Variants in PTPRO observed in about 807,000 individuals in gnomAD.
The protein encoded by PTPRO is protein tyrosine phosphatase receptor type O, also known as receptor-type tyrosine-protein phosphatase O.
In PTPRO, 62 loss-of-function variants were observed where a neutral mutation model predicts 145.2. That is an observed-to-expected ratio of 0.43 (90% CI 0.35 to 0.53). PTPRO has a LOEUF of 0.53. PTPRO is among the 20% of genes least tolerant of loss of function. The pLI, the probability that PTPRO is intolerant of heterozygous loss-of-function variation, is 0.01. For synonymous variants in PTPRO, 565 were observed against 514.7 expected, an observed-to-expected ratio of 1.10 and a Z score of -1.32; for missense variants, 1,345 against 1,482.7, an observed-to-expected ratio of 0.91 and a Z score of 1.53.
At chr12:15,349,833 A>G (rs1246701343) in intron 1 of PTPRO, among the ~76,000 whole-genome samples, 5 of 152,214 alleles carry the variant, frequency 3.3e-5, no homozygotes, top group African/African-American at 9.6e-5. Context: ...CTTATTATTG[A>G]TTACACGTAG....
chr12:15,401,686 T>C (rs1939497916), intron 1 of PTPRO, among the ~76,000 whole-genome samples: 1 of 152,206 alleles, frequency 6.6e-6, no homozygotes, highest in South Asian at 2.1e-4. Flanking sequence ...AACTACACCA[T>C]ATTTCATAGG....
chr12:15,389,143 AC>A (rs1939116973), intron 1 of PTPRO, among the ~76,000 whole-genome samples: 1 of 145,734 alleles, frequency 6.9e-6, no homozygotes, highest in Admixed American at 6.8e-5. Context: ...TCACTCTGTC[AC>A]CCAGGCTGGA....
At chr12:15,349,013 T>C (rs916308961) in intron 1 of PTPRO, among the ~76,000 whole-genome samples, 12 of 152,242 alleles carry the variant, frequency 7.9e-5, no homozygotes, top group African/African-American at 2.9e-4. Flanking sequence ...CTATTCTTAA[T>C]TAATGTCTCT....
rs1385968296 is a variant in PTPRO at position 15,498,592 on chromosome 12, G to A, written c.509-850G>A. 5.5e-4 allele frequency among the ~76,000 whole-genome samples: 84 copies of A among 152,118 alleles called. 2 individuals carry two copies. The highest frequency in any genetic ancestry group is 5.4e-3 in the Admixed American group (82 of 15,258). ...GAATGAATGAATGAATGAAATATAT[G>A]CAGTGAATTTGGTTTTTTTAAACTT... On this transcript the variant is annotated intron_variant, in intron 3 of 26. Transcript: ENST00000281171.
chr12:15,551,572 T>A lies in PTPRO; in HGVS notation c.2459T>A (p.Val820Glu). The change falls in exon 15 of 27, where the codon GTG (valine) becomes GAG (glutamate). Residue 820 changes from valine to glutamate, a missense_variant. This residue lies in a region of PTPRO where 1,130 missense variants were observed against 1,214.7 expected (regional missense o/e 0.93). Transcript: ENST00000281171. ...TTAGTTACAGAGATGAATCCCAATG[T>A]GGTAGTGATCTCCGTGCTGGCCATC... ...STMVTEMNPN[V>E]VVISVLAILS... 1 of 1,613,732 alleles carries A rather than the reference T, an allele frequency of 6.2e-7. No individual in the cohort carries two copies. The highest frequency in any genetic ancestry group is 8.5e-7 in the Non-Finnish European group (1 of 1,179,822).
intron 1 of PTPRO, chr12:15,337,371 A>G (rs1866799202): frequency 6.6e-6 from 1 of 152,206 alleles, no homozygotes; most frequent in Admixed American, 6.5e-5. Flanking sequence ...AATTTATCAT[A>G]CCAACCGGAA....
At chr12:15,406,843 C>G (rs1414305125) in intron 1 of PTPRO, among the ~76,000 whole-genome samples, 1 of 152,084 alleles carries the variant, frequency 6.6e-6, no homozygotes, top group African/African-American at 2.4e-5. Context: ...AACTAAAAAA[C>G]AACAATACGA....
rs1942559869 is a variant in PTPRO at position 15,515,596 on chromosome 12, A to C, written c.1563A>C (p.Ser521=). The C allele has an allele frequency of 1.2e-6, 2 of 1,614,096 alleles. No homozygotes were observed. The highest frequency in any genetic ancestry group is 1.7e-6 in the Non-Finnish European group (2 of 1,179,986). ...AAGGCCCTTTGATTGGACCACCTTC[A>C]GATCCTGTGACATTTGCTATTGGTA... ...LRKGPLIGPP[S]DPVTFAIVPT... Residue 521 remains serine, a synonymous_variant, in exon 8 of 27, where the codon TCA becomes TCC. Coordinates refer to ENST00000281171, the MANE Select transcript of PTPRO (RefSeq NM_030667.3).
intron 1 of PTPRO, among the ~76,000 whole-genome samples, chr12:15,349,506 G>A (rs1775230607): frequency 6.6e-6 from 1 of 152,226 alleles, no homozygotes; most frequent in Non-Finnish European, 1.5e-5. Context: ...TGAGGTCTCT[G>A]TTTTATAATA....
rs551961300 is a variant in PTPRO at position 15,417,957 on chromosome 12, C to A, written c.76-66017C>A. Among the ~76,000 whole-genome samples the A allele has an allele frequency of 6.6e-5, 10 of 151,908 alleles. No homozygotes were observed. The East Asian group carries it at 1.9e-3, about 29-fold the overall frequency. On this transcript the variant is annotated intron_variant, in intron 1 of 26. Transcript: ENST00000281171. Reference sequence around the variant, plus strand: ...CTAAGTGAAGTCAGAAAACTGGCTACCCATCTGCAAATTGTTTGTTACTTG... The same window carrying A: ...CTAAGTGAAGTCAGAAAACTGGCTAACCATCTGCAAATTGTTTGTTACTTG...
chr12:15,514,908 A>C (rs146078628), intron 7 of PTPRO, among the ~76,000 whole-genome samples: 1,537 of 152,026 alleles, frequency 0.01, 15 homozygotes, highest in Admixed American at 0.016. Context: ...GATTACAGGC[A>C]CCTGCCACCA....
intron 19 of PTPRO, among the ~76,000 whole-genome samples, chr12:15,570,257 C>T (rs1944012694): frequency 6.6e-6 from 1 of 151,348 alleles, no homozygotes; most frequent in African/African-American, 2.4e-5. Context: ...GTTTCTATAG[C>T]ATGGCTTGAG....
At chr12:15,548,740 C>G (rs1434704149) in intron 13 of PTPRO, among the ~76,000 whole-genome samples, 1 of 152,048 alleles carries the variant, frequency 6.6e-6, no homozygotes, top group African/African-American at 2.4e-5. Flanking sequence ...TTAATCTGTA[C>G]TGATATGGAA....
intron 1 of PTPRO, among the ~76,000 whole-genome samples, chr12:15,429,924 T>A (rs958204163): frequency 1.3e-5 from 2 of 152,182 alleles, no homozygotes; most frequent in South Asian, 2.1e-4. Context: ...TGAAGGTGAT[T>A]CCCACATTTC....
At chr12:15,438,133 C>G (rs1034227831) in intron 1 of PTPRO, among the ~76,000 whole-genome samples, 1 of 152,118 alleles carries the variant, frequency 6.6e-6, no homozygotes, top group African/African-American at 2.4e-5. Flanking sequence ...GCATTCTTCA[C>G]AGTCACACCC....
At chr12:15,585,526 TAAAC>T (rs1262765761) in intron 23 of PTPRO, among the ~76,000 whole-genome samples, 1 of 152,188 alleles carries the variant, frequency 6.6e-6, no homozygotes, top group African/African-American at 2.4e-5. Flanking sequence ...TATGTATATT[TAAAC>T]AAATCTTACA....
intron 24 of PTPRO, 119 bp from the exon 25 acceptor site, chr12:15,589,336 A>C: frequency 1.4e-6 from 2 of 1,391,736 alleles, no homozygotes; most frequent in Non-Finnish European, 2.0e-6. Context: ...AGATCATGCC[A>C]TTGCACTCCA....
chr12:15,547,409 G>A (rs1358797408), intron 13 of PTPRO, among the ~76,000 whole-genome samples: 2 of 152,166 alleles, frequency 1.3e-5, no homozygotes, highest in East Asian at 3.8e-4. Context: ...GAAAGGAAAA[G>A]GACAGATTTG....
chr12:15,472,439 G>T (rs768928854), intron 1 of PTPRO, among the ~76,000 whole-genome samples: 1 of 152,138 alleles, frequency 6.6e-6, no homozygotes, highest in Non-Finnish European at 1.5e-5. Flanking sequence ...GGCGTGTCTT[G>T]GTCTTGGGTC....
Sources: gnomAD v4.1 joint callset for allele counts (sites outside exome capture counted in the v4.1 genomes callset) on GRCh38, gnomAD v4.1.1 for gene constraint, gnomAD v4.1.1 regional missense constraint, MANE v1.5 for transcripts, NCBI Gene and HGNC (gene_info 2026-07-23, HGNC 2026-07-21) for gene names.